SREK1IP1: variants seen among roughly 807,000 people sequenced by gnomAD.
The protein encoded by SREK1IP1 is protein SREK1IP1.
SREK1IP1 carries 12 observed loss-of-function variants against 22.8 expected under a neutral mutation model. The observed-to-expected ratio is 0.53, with a 90% CI of 0.34 to 0.85. The LOEUF (loss-of-function observed/expected upper bound fraction) is 0.85, where lower values mean the gene tolerates loss of function less well. Among genes scored for constraint, SREK1IP1 ranks in the 40% least tolerant of loss-of-function variants. The pLI, the probability that SREK1IP1 is intolerant of heterozygous loss-of-function variation, is 0.02. For missense variants in SREK1IP1, 147 were observed against 171.8 expected (o/e 0.86, Z 0.81); for synonymous variants, 53 against 52.7 (o/e 1.01, Z -0.02).
intron 2 of SREK1IP1, among the ~76,000 whole-genome samples, chr5:64,742,914 C>G (rs1028545990): frequency 6.6e-6 from 1 of 152,176 alleles, no homozygotes; most frequent in Non-Finnish European, 1.5e-5. Context: ...GTTTTCCTCA[C>G]TGTGATTTCC....
intron 1 of SREK1IP1, among the ~76,000 whole-genome samples, chr5:64,760,628 A>G (rs928781736): frequency 5.3e-5 from 8 of 152,196 alleles, no homozygotes; most frequent in Admixed American, 2.6e-4. Flanking sequence ...GAAGCAGTCC[A>G]AGCCTCTGAT....
At chr5:64,737,507 C>CAAAAAAAAA (rs34983078) in intron 3 of SREK1IP1, among the ~76,000 whole-genome samples, 3 of 95,058 alleles carry the variant, frequency 3.2e-5, no homozygotes, top group Admixed American at 1.1e-4. Context: ...TTCATACTGT[C>CAAAAAAAAA]AAAAAAAAAA....
intron 2 of SREK1IP1, 23 bp downstream of exon 2, chr5:64,754,292 A>T: frequency 6.2e-7 from 1 of 1,612,214 alleles, no homozygotes; most frequent in East Asian, 2.2e-5. Context: ...AATGCAAAGC[A>T]TGTCATCTTT....
chr5:64,720,347 CTG>C lies in SREK1IP1; in HGVS notation c.*4035_*4036del, dbSNP rs1274440037. 6 of 151,836 alleles carry C rather than the reference CTG, an allele frequency of 4.0e-5. 1 individual carries two copies. The highest frequency in any genetic ancestry group is 1.3e-4 in the Admixed American group (2 of 15,246). 9.4% of individuals were successfully genotyped at this position (151,836 alleles called of 1,614,324 possible). On this transcript the variant is annotated 3_prime_UTR_variant, in exon 5 of 5. Transcript: ENST00000513458. ...GTAATTTTTGGAAATAATAATGAGA[CTG>C]TAGAAAGAAATGTGAGTCTAATAAT...
At chr5:64,760,414 G>A (rs1364190297) in intron 1 of SREK1IP1, among the ~76,000 whole-genome samples, 1 of 152,190 alleles carries the variant, frequency 6.6e-6, no homozygotes, top group Non-Finnish European at 1.5e-5. Flanking sequence ...GAGGTGGGGG[G>A]AAAGTCTCTT....
chr5:64,738,494 T>C (rs992862924), intron 3 of SREK1IP1, among the ~76,000 whole-genome samples: 8 of 151,978 alleles, frequency 5.3e-5, no homozygotes, highest in African/African-American at 1.9e-4. Flanking sequence ...AATCCAAAAA[T>C]GTATACGGAA....
intron 1 of SREK1IP1, among the ~76,000 whole-genome samples, chr5:64,760,536 C>G (rs1742933661): frequency 6.6e-6 from 1 of 152,166 alleles, no homozygotes; most frequent in Non-Finnish European, 1.5e-5. Context: ...TACATGCAGA[C>G]TGATAGGCCT....
chr5:64,742,758 T>C (rs1295707225), intron 2 of SREK1IP1, among the ~76,000 whole-genome samples: 3 of 152,204 alleles, frequency 2.0e-5, no homozygotes, highest in African/African-American at 7.2e-5. Context: ...TTCCTGGAAC[T>C]TCTCCTTTCC....
intron 1 of SREK1IP1, chr5:64,765,237 A>T (rs1000934563): frequency 6.6e-6 from 1 of 152,242 alleles, no homozygotes; most frequent in Non-Finnish European, 1.5e-5. Flanking sequence ...CCTACATTTC[A>T]TTGCATTACC....
intron 1 of SREK1IP1, among the ~76,000 whole-genome samples, chr5:64,758,313 T>C (rs1350545874): frequency 6.6e-6 from 1 of 152,136 alleles, no homozygotes; most frequent in East Asian, 1.9e-4. Context: ...GGATTGCAGG[T>C]GCCTGCCACC....
chr5:64,735,059 T>A (rs1185930962), intron 3 of SREK1IP1, among the ~76,000 whole-genome samples: 1 of 152,064 alleles, frequency 6.6e-6, no homozygotes, highest in South Asian at 2.1e-4. Context: ...AGATTTTGTA[T>A]GAAGTTAATG....
chr5:64,741,265 G>A (rs886209486), intron 2 of SREK1IP1, 65 bp from the exon 3 acceptor site: 3 of 1,465,798 alleles, frequency 2.0e-6, no homozygotes, highest in Non-Finnish European at 1.9e-6. Context: ...ATTTTTGTAT[G>A]TTTTGCTGCC....
chr5:64,768,297 G>A (rs778543522), intron 1 of SREK1IP1, among the ~76,000 whole-genome samples: 2 of 152,170 alleles, frequency 1.3e-5, no homozygotes, highest in Non-Finnish European at 2.9e-5. Context: ...GCTGGGGCTT[G>A]GCTCCTGGGG....
intron 3 of SREK1IP1, among the ~76,000 whole-genome samples, chr5:64,734,804 CT>C (rs1742431988): frequency 6.6e-6 from 1 of 152,022 alleles, no homozygotes. Flanking sequence ...GTTCTAGAAG[CT>C]TTTTTGAAAG....
intron 3 of SREK1IP1, among the ~76,000 whole-genome samples, chr5:64,731,636 C>G (rs1742383337): frequency 6.6e-6 from 1 of 151,634 alleles, no homozygotes; most frequent in Admixed American, 6.6e-5. Context: ...ATGACAGGAG[C>G]CTCAAAAGGG....
chr5:64,727,902 A>C (rs1742302859), intron 4 of SREK1IP1: 1 of 377,472 alleles, frequency 2.6e-6, no homozygotes, highest in Non-Finnish European at 4.0e-6. Context: ...AGCCATGGTA[A>C]TATTACAAGA....
intron 1 of SREK1IP1, among the ~76,000 whole-genome samples, chr5:64,760,003 G>C (rs192927660): frequency 5.3e-4 from 80 of 152,298 alleles, no homozygotes; most frequent in African/African-American, 1.9e-3. Flanking sequence ...CCCAATTTAT[G>C]TGCACAAATG....
chr5:64,765,289 G>A (rs766270444), intron 1 of SREK1IP1, among the ~76,000 whole-genome samples: 3 of 152,118 alleles, frequency 2.0e-5, no homozygotes, highest in Non-Finnish European at 4.4e-5. Context: ...ATGGAAACAC[G>A]GGTGAAGCAC....
At chr5:64,766,006 T>A (rs1264150013) in intron 1 of SREK1IP1, among the ~76,000 whole-genome samples, 2 of 152,238 alleles carry the variant, frequency 1.3e-5, no homozygotes, top group African/African-American at 4.8e-5. Context: ...CTAGGCAATC[T>A]ACTGTGTAGG....
Sources: allele counts gnomAD v4.1 joint callset (sites outside exome capture counted in the v4.1 genomes callset), GRCh38; gene constraint gnomAD v4.1.1; transcripts MANE v1.5; gene names NCBI Gene and HGNC (gene_info 2026-07-23, HGNC 2026-07-21).